Variants in SEPSECS observed in about 807,000 individuals in gnomAD.
SEPSECS encodes Sep (O-phosphoserine) tRNA:Sec (selenocysteine) tRNA synthase.
SEPSECS carries 42 observed loss-of-function variants against 52.1 expected under a neutral mutation model. That is an observed-to-expected ratio of 0.81 (90% CI 0.63 to 1.04). SEPSECS has a LOEUF of 1.04. Among genes scored for constraint, SEPSECS ranks in the 50% least tolerant of loss-of-function variants. The pLI is 0.00. For synonymous variants in SEPSECS, 216 were observed against 211.4 expected (o/e 1.02, Z -0.19); for missense variants, 590 against 610.6 (o/e 0.97, Z 0.36).
In SEPSECS at chr4:25,148,285, G is replaced by A. The variant is rs1417305795; in HGVS notation, c.805-3152C>T. ...GGAGAATGGCGTGAACCTGGGAGGC[G>A]GAGCTTGCAGTGAGCCAAGATCGCG... On this transcript the variant is annotated intron_variant, in intron 6 of 10. Transcript: ENST00000382103. 3.3e-5 allele frequency among the ~76,000 whole-genome samples: 5 copies of A among 150,664 alleles called. No homozygotes were observed. The South Asian group carries it at 6.3e-4, about 19-fold the overall frequency.
chr4:25,127,031 G>A (rs2109484846), intron 9 of SEPSECS, among the ~76,000 whole-genome samples: 1 of 152,276 alleles, frequency 6.6e-6, no homozygotes, highest in South Asian at 2.1e-4. Context: ...CTGCATTTTT[G>A]TTATAATACT....
chr4:25,159,664 C>T (rs759877745), intron 1 of SEPSECS: 103 of 357,274 alleles, frequency 2.9e-4, no homozygotes, highest in East Asian at 1.4e-4. Flanking sequence ...CCCAGCTACT[C>T]GGGAGGCTGA....
chr4:25,158,560 G>A (rs1318314491), intron 2 of SEPSECS, among the ~76,000 whole-genome samples: 1 of 147,724 alleles, frequency 6.8e-6, no homozygotes, highest in African/African-American at 2.5e-5. Context: ...ATTTAAAGTT[G>A]ATAACTATAA....
At chr4:25,127,226 C>A (rs1403259066) in intron 9 of SEPSECS, 38 bp downstream of exon 9, 4 of 1,311,966 alleles carry the variant, frequency 3.0e-6, no homozygotes, top group African/African-American at 2.9e-5. Context: ...TAGAGTGGAT[C>A]ATAAGTATTT....
chr4:25,138,744 A>G (rs1728942500), intron 8 of SEPSECS, among the ~76,000 whole-genome samples: 1 of 152,180 alleles, frequency 6.6e-6, no homozygotes, highest in East Asian at 1.9e-4. Flanking sequence ...TCTGTTATAT[A>G]TACAAGTGAC....
intron 8 of SEPSECS, among the ~76,000 whole-genome samples, chr4:25,135,192 A>C (rs1046946058): frequency 3.3e-5 from 5 of 152,062 alleles, no homozygotes; most frequent in African/African-American, 1.2e-4. Context: ...AGCAGAAGAC[A>C]AGAAACAACC....
chr4:25,149,755 G>C (rs1378394380), intron 6 of SEPSECS, among the ~76,000 whole-genome samples: 1 of 152,106 alleles, frequency 6.6e-6, no homozygotes, highest in African/African-American at 2.4e-5. Flanking sequence ...GAAATAAAAT[G>C]TTTTTCAAGA....
At chr4:25,137,184 G>C (rs1332454735) in intron 8 of SEPSECS, among the ~76,000 whole-genome samples, 1 of 152,118 alleles carries the variant, frequency 6.6e-6, no homozygotes, top group Non-Finnish European at 1.5e-5. Flanking sequence ...AATGTCAAAA[G>C]CAATTGCAAC....
Position 25,125,690 on chromosome 4 carries a change from T to G in SEPSECS, c.1211+4A>C. The G allele has an allele frequency of 6.2e-7, 1 of 1,601,890 alleles. No homozygotes were observed. ...AAACCCATATCTATCTTAAACATAC[T>G]TACCTGGCTCCAGAAACCTGTCTGG... On this transcript the variant is annotated splice_donor_region_variant and intron_variant, in intron 10 of 10. Transcript: ENST00000382103.
In SEPSECS at chr4:25,140,623, T is replaced by C. The variant is rs1274140300; in HGVS notation, c.1026+4151A>G. Among the ~76,000 whole-genome samples the C allele has an allele frequency of 6.6e-5, 10 of 152,290 alleles. No individual in the cohort carries two copies. In the East Asian group the frequency reaches 1.9e-3, roughly 29 times the overall value. On this transcript the variant is annotated intron_variant, in intron 8 of 10. Coordinates refer to ENST00000382103, the MANE Select transcript of SEPSECS (RefSeq NM_016955.4). ...ATACATAAAAATGTACTTAGAAGAG[T>C]GCCTTCCACATAGTAAGTGCTCAGT...
In SEPSECS at chr4:25,121,785, CAT is replaced by C. The variant is rs1728136704; in HGVS notation, c.*2144_*2145del. 6.6e-6 allele frequency: 1 copy of C among 152,126 alleles called. No individual in the cohort carries two copies. The highest frequency in any genetic ancestry group is 1.5e-5 in the Non-Finnish European group (1 of 68,002). 9.4% of individuals were successfully genotyped at this position (152,126 alleles called of 1,614,324 possible). A position where few individuals can be genotyped will look rare whatever the true frequency, so the allele number is the denominator to read the frequency against. ...AATATTGTAACATATCTATCATTCA[CAT>C]GTGAGTTCATGTAATTTATGTTCAA... On this transcript the variant is annotated 3_prime_UTR_variant, in exon 11 of 11. Transcript: ENST00000382103.
chr4:25,157,821 C>A (rs771253228), intron 2 of SEPSECS, among the ~76,000 whole-genome samples: 15 of 151,978 alleles, frequency 9.9e-5, no homozygotes, highest in Non-Finnish European at 2.1e-4. Context: ...CTGAGATTAC[C>A]GGCGTGAGCC....
At chr4:25,134,320 ATGTG>A (rs3066762) in intron 8 of SEPSECS, among the ~76,000 whole-genome samples, 16,718 of 144,982 alleles carry the variant, frequency 0.12, 1,055 homozygotes, top group South Asian at 0.2. Context: ...ATCTTTAAAA[ATGTG>A]TGTGTGTGTG....
chr4:25,142,208 C>G (rs1711600866), intron 8 of SEPSECS, among the ~76,000 whole-genome samples: 1 of 152,048 alleles, frequency 6.6e-6, no homozygotes, highest in African/African-American at 2.4e-5. Context: ...GCCCGGGAGG[C>G]AGAGGTTGCA....
At chr4:25,139,029 A>G (rs1658962675) in intron 8 of SEPSECS, among the ~76,000 whole-genome samples, 1 of 152,232 alleles carries the variant, frequency 6.6e-6, no homozygotes, top group African/African-American at 2.4e-5. Context: ...ACGAATGTCA[A>G]TGAATAAATG....
chr4:25,132,710 C>G (rs531859076), intron 8 of SEPSECS, among the ~76,000 whole-genome samples: 6 of 151,996 alleles, frequency 3.9e-5, no homozygotes, highest in Middle Eastern at 3.2e-3. Flanking sequence ...TAAATAAAAC[C>G]AATTAGTACA....
chr4:25,141,486 C>T (rs1711545994), intron 8 of SEPSECS, among the ~76,000 whole-genome samples: 1 of 152,146 alleles, frequency 6.6e-6, no homozygotes, highest in Non-Finnish European at 1.5e-5. Context: ...TACAGCTTCC[C>T]CATCATAGCT....
intron 8 of SEPSECS, among the ~76,000 whole-genome samples, chr4:25,136,350 G>A (rs1182350138): frequency 2.0e-5 from 3 of 152,230 alleles, no homozygotes; most frequent in Non-Finnish European, 1.5e-5. Flanking sequence ...AGCAACTTCA[G>A]CAAAGTCTCA....
chr4:25,151,822 G>GT (rs1446916448), intron 6 of SEPSECS, 138 bp downstream of exon 6: 2 of 656,054 alleles, frequency 3.0e-6, no homozygotes, highest in African/African-American at 3.6e-5. Context: ...ATTATCAGAT[G>GT]TAAGTTCCTA....
Sources: gnomAD v4.1 joint callset for allele counts (sites outside exome capture counted in the v4.1 genomes callset) on GRCh38, gnomAD v4.1.1 for gene constraint, MANE v1.5 for transcripts, NCBI Gene and HGNC (gene_info 2026-07-23, HGNC 2026-07-21) for gene names.